The following SLC35F5 variants were observed in gnomAD, a reference collection of about 807,000 sequenced individuals.
The protein encoded by SLC35F5 is solute carrier family 35 member F5.
In SLC35F5, 54 loss-of-function variants were observed where a neutral mutation model predicts 68.6. The ratio of observed to expected loss-of-function variants is 0.79; its 90% confidence interval spans 0.63 to 0.99. The LOEUF is 0.99. Among genes scored for constraint, SLC35F5 ranks in the 50% least tolerant of loss-of-function variants. The probability of loss-of-function intolerance (pLI) is 0.00; values close to 1 mark genes in which losing one functional copy is unlikely to be tolerated. For missense variants in SLC35F5, 567 were observed against 626.9 expected (o/e 0.90, Z 1.02); for synonymous variants, 211 against 205.2 (o/e 1.03, Z -0.24).
Position 113,742,792 on chromosome 2 carries a change from C to A in SLC35F5, c.650G>T (p.Arg217Leu), listed in dbSNP as rs751684782. ...SSHALEAKLS[R>L]MSYPVKEQES... ...TTGTTCTTTCACAGGATATGACATG[C>A]GAGACAACTTTGCTTCCAATGCATG... Residue 217 changes from arginine (R) to leucine (L), a missense_variant, in exon 7 of 16, where the codon CGC becomes CTC. Coordinates refer to ENST00000245680, the MANE Select transcript of SLC35F5 (RefSeq NM_025181.5). The A allele has an allele frequency of 2.5e-6, 4 of 1,613,930 alleles. No individual in the cohort carries two copies. The highest frequency in any genetic ancestry group is 3.4e-6 in the Non-Finnish European group (4 of 1,180,006).
downstream of SLC35F5, among the ~76,000 whole-genome samples, chr2:113,704,365 C>T (rs191680729): frequency 6.1e-3 from 927 of 152,332 alleles, 5 homozygotes; most frequent in Non-Finnish European, 9.9e-3. Context: ...CTTCACCCAG[C>T]GGATCCCGCA....
intron 4 of SLC35F5, among the ~76,000 whole-genome samples, chr2:113,749,012 C>G (rs533570766): frequency 6.6e-6 from 1 of 152,096 alleles, no homozygotes; most frequent in South Asian, 2.1e-4. Flanking sequence ...CCATGTTGGC[C>G]AAGGATGGTC....
At chr2:113,717,895 A>T (rs1454324470) in intron 14 of SLC35F5, 45 bp from the exon 15 acceptor site, 1 of 1,392,320 alleles carries the variant, frequency 7.2e-7, no homozygotes, top group Non-Finnish European at 1.0e-6. Context: ...TTTAGAGCTG[A>T]AAAGGAACCT....
rs1014247571 is a variant in SLC35F5 at position 113,708,675 on chromosome 2, C to T, written c.*6543G>A. 2.0e-5 allele frequency among the ~76,000 whole-genome samples: 3 copies of T among 152,056 alleles called. No individual in the cohort carries two copies. The highest frequency in any genetic ancestry group is 2.9e-5 in the Non-Finnish European group (2 of 68,038). ...GAGCCGAGATCGTGCCACTGCACTT[C>T]AGCCTGGGCAATGGAGTGAGACTCT... On this transcript the variant is annotated 3_prime_UTR_variant, in exon 16 of 16. Coordinates refer to ENST00000245680, the MANE Select transcript of SLC35F5 (RefSeq NM_025181.5).
Position 113,707,917 on chromosome 2 carries a change from C to T in SLC35F5, c.*7301G>A, listed in dbSNP as rs931935874. 2.0e-5 allele frequency among the ~76,000 whole-genome samples: 3 copies of T among 152,100 alleles called. No homozygotes were observed. The highest frequency in any genetic ancestry group is 7.2e-5 in the African/African-American group (3 of 41,422). On this transcript the variant is annotated 3_prime_UTR_variant, in exon 16 of 16. Coordinates refer to ENST00000245680, the MANE Select transcript of SLC35F5 (RefSeq NM_025181.5). ...GTTGAACCTTTATACTACAATGTATCCTGGCACTTATTTTTTTTAAACCAT... is the reference window on the plus strand; with the variant it reads ...GTTGAACCTTTATACTACAATGTATTCTGGCACTTATTTTTTTTAAACCAT...
intron 3 of SLC35F5, among the ~76,000 whole-genome samples, chr2:113,751,124 C>A (rs1304255927): frequency 1.3e-5 from 2 of 152,038 alleles, no homozygotes; most frequent in Non-Finnish European, 2.9e-5. Flanking sequence ...CCAGCCTGGG[C>A]AACAGAGCAA....
rs192511200 is a variant in SLC35F5 at position 113,753,456 on chromosome 2, C to T, written c.273+1709G>A. 1.6e-3 allele frequency among the ~76,000 whole-genome samples: 243 copies of T among 152,128 alleles called. 1 individual carries two copies. Among genetic ancestry groups the T allele is most frequent in the African/African-American group, 5.5e-3 (230 of 41,506 alleles). On this transcript the variant is annotated intron_variant, in intron 3 of 15. Coordinates refer to ENST00000245680, the MANE Select transcript of SLC35F5 (RefSeq NM_025181.5). ...CTTCCCAAAGTGTTGGGATTTCAGG[C>T]GTGAGCCACTGCGCCTGGCCCTATC...
At chr2:113,738,915 T>C (rs1339624732) in intron 7 of SLC35F5, among the ~76,000 whole-genome samples, 1 of 152,168 alleles carries the variant, frequency 6.6e-6, no homozygotes, top group Admixed American at 6.5e-5. Flanking sequence ...TATGTTGAAA[T>C]AATATTTTTA....
chr2:113,734,516 G>C, intron 9 of SLC35F5, 70 bp downstream of exon 9: 1 of 862,670 alleles, frequency 1.2e-6, no homozygotes. Context: ...AACTACCCTG[G>C]TGCCACTATC....
intron 6 of SLC35F5, among the ~76,000 whole-genome samples, chr2:113,743,451 G>A (rs1015322791): frequency 6.6e-6 from 1 of 152,176 alleles, no homozygotes; most frequent in Non-Finnish European, 1.5e-5. Context: ...AGCGTGTGAT[G>A]CATGTGTGTA....
Position 113,731,605 on chromosome 2 carries a change from G to A in SLC35F5, c.964C>T (p.Pro322Ser), listed in dbSNP as rs149050681. Residue 322 changes from proline to serine, a missense_variant, in exon 10 of 16, where the codon CCT becomes TCT. Transcript: ENST00000245680. ...VLVNLAGSEK[P>S]AGRDTVGSIW... ...TTACCTACTGTGTCTCTTCCAGCAGGTTTTTCAGACCCTGCCAGGTTTACC... is the reference window on the plus strand; with the variant it reads ...TTACCTACTGTGTCTCTTCCAGCAGATTTTTCAGACCCTGCCAGGTTTACC... 3.6e-4 allele frequency: 574 copies of A among 1,613,110 alleles called. No individual in the cohort carries two copies. Among genetic ancestry groups the A allele is most frequent in the Non-Finnish European group, 4.5e-4 (527 of 1,179,312 alleles).
At position 113,711,588 on chromosome 2, in the gene SLC35F5, G is replaced by T. The variant is rs1248034495; in HGVS notation, c.*3630C>A. ...TCAATTTATCTAAATGGGATTTGGG[G>T]GACACGGCAGACTATTAAAATAGAA... On this transcript the variant is annotated 3_prime_UTR_variant, in exon 16 of 16. Transcript: ENST00000245680. 6.6e-6 allele frequency among the ~76,000 whole-genome samples: 1 copy of T among 152,052 alleles called. No homozygotes were observed. The highest frequency in any genetic ancestry group is 1.9e-4 in the East Asian group (1 of 5,204).
chr2:113,744,180 C>T (rs1184719714), intron 5 of SLC35F5, among the ~76,000 whole-genome samples: 1 of 152,180 alleles, frequency 6.6e-6, no homozygotes, highest in Non-Finnish European at 1.5e-5. Context: ...AGACGCTGTT[C>T]TAAGTCCTGG....
At chr2:113,740,859 T>G (rs1676245190) in intron 7 of SLC35F5, among the ~76,000 whole-genome samples, 1 of 152,158 alleles carries the variant, frequency 6.6e-6, no homozygotes, top group Non-Finnish European at 1.5e-5. Flanking sequence ...TCTCTTCACC[T>G]CGTGATCCAC....
At chr2:113,748,319 C>T (rs1438765394) in intron 4 of SLC35F5, among the ~76,000 whole-genome samples, 1 of 152,078 alleles carries the variant, frequency 6.6e-6, no homozygotes, top group African/African-American at 2.4e-5. Context: ...GAGTGCACCA[C>T]CACGACTGGC....
At chr2:113,755,953 T>A (rs765378568) in intron 1 of SLC35F5, 45 of 1,550,052 alleles carry the variant, frequency 2.9e-5, no homozygotes, top group Non-Finnish European at 3.8e-5. Flanking sequence ...AATTTGGTTA[T>A]CGGAGAGTAA....
chr2:113,717,893 T>C (rs539462515), intron 14 of SLC35F5, 43 bp from the exon 15 acceptor site: 1 of 1,432,616 alleles, frequency 7.0e-7, no homozygotes, highest in South Asian at 1.2e-5. Context: ...GCTTTAGAGC[T>C]GAAAAGGAAC....
At chr2:113,718,869 G>GA (rs201858857) in intron 14 of SLC35F5, among the ~76,000 whole-genome samples, 21 of 19,762 alleles carry the variant, frequency 1.1e-3, no homozygotes, top group African/African-American at 3.4e-3. Flanking sequence ...GAAAGAAAAA[G>GA]AAAGAAAGAA....
intron 1 of SLC35F5, chr2:113,755,940 T>G: frequency 1.3e-6 from 2 of 1,550,158 alleles, no homozygotes; most frequent in Admixed American, 3.9e-5. Context: ...TCTGCTGGAG[T>G]GGAATTTGGT....
Sources: gnomAD v4.1 joint callset for allele counts (sites outside exome capture counted in the v4.1 genomes callset) on GRCh38, gnomAD v4.1.1 for gene constraint, MANE v1.5 for transcripts, NCBI Gene and HGNC (gene_info 2026-07-23, HGNC 2026-07-21) for gene names.